The following TET2 variants were observed in gnomAD, a reference collection of about 807,000 sequenced individuals.
TET2 encodes tet methylcytosine dioxygenase 2.
TET2 carries 299 observed loss-of-function variants against 142.9 expected under a neutral mutation model. The observed-to-expected ratio is 2.09, with a 90% CI of 1.90 to 2.30. TET2 has a LOEUF of 2.30. Among genes scored for constraint, TET2 ranks in the 30% most tolerant of loss-of-function variants. TET2 has a pLI of 0.00. For synonymous variants in TET2, 819 were observed against 849.0 expected (o/e 0.96, Z 0.61); for missense variants, 2,418 against 2,378.0 (o/e 1.02, Z -0.35).
At position 105,239,004 on chromosome 4, in the gene TET2, A is replaced by G. The variant is rs60382101; in HGVS notation, c.3409+1653A>G. ...AACAGCATTAATCTTGTGCATCTCC[A>G]TCGGAGCTCTTGGGTGACTAGGTGC... On this transcript the variant is annotated intron_variant, in intron 3 of 10. Transcript: ENST00000380013. 2,267 of 241,086 alleles carry G rather than the reference A, an allele frequency of 9.4e-3. 50 individuals are homozygous for G. The highest frequency in any genetic ancestry group is 0.045 in the African/African-American group (2,022 of 45,032). 14.9% of individuals were successfully genotyped at this position (241,086 alleles called of 1,614,324 possible).
Position 105,275,122 on chromosome 4 carries a change from C to T in TET2, c.4612C>T (p.Pro1538Ser), listed in dbSNP as rs1310642509. 1.3e-6 allele frequency: 2 copies of T among 1,551,474 alleles called. No homozygotes were observed. The highest frequency in any genetic ancestry group is 2.4e-5 in the East Asian group (1 of 40,910). The change falls in exon 11 of 11, where the codon CCC becomes TCC. Residue 1538 changes from proline (P) to serine (S), a missense_variant. By Grantham distance (74) the Pro-to-Ser change is moderately conservative. Transcript: ENST00000380013. ...GCCTCTACAGAAGCAGCCACCACAGCCCCAGCAGCAGCAGAGACCCCAGCA... is the reference window on the plus strand; with the variant it reads ...GCCTCTACAGAAGCAGCCACCACAGTCCCAGCAGCAGCAGAGACCCCAGCA... ...PQPLQKQPPQ[P>S]QQQQRPQQQQ... is the part of the protein sequence containing the mutation.
chr4:105,168,936 A>G (rs1724306370), intron 1 of TET2, among the ~76,000 whole-genome samples: 1 of 152,212 alleles, frequency 6.6e-6, no homozygotes, highest in South Asian at 2.1e-4. Flanking sequence ...TTTATGGCTG[A>G]GTAGTATTCC....
intron 1 of TET2, among the ~76,000 whole-genome samples, chr4:105,182,889 C>T (rs1725203318): frequency 6.6e-6 from 1 of 152,018 alleles, no homozygotes; most frequent in South Asian, 2.1e-4. Context: ...TCATATAGGT[C>T]ATATGACTTA....
intron 2 of TET2, among the ~76,000 whole-genome samples, chr4:105,217,871 T>C (rs1299513579): frequency 2.0e-5 from 3 of 151,984 alleles, no homozygotes; most frequent in East Asian, 1.9e-4. Context: ...ACTGCACTTA[T>C]AAAGAGACAT....
chr4:105,185,197 G>A lies in TET2; in HGVS notation c.-192-5163G>A, dbSNP rs148021994. On this transcript the variant is annotated intron_variant, in intron 1 of 10. Transcript: ENST00000380013. ...TTTTTTTTTTCCTTCATTTTTGAAC[G>A]AAAACTTGTCTGTCTCTAGGCTTTG... Among the ~76,000 whole-genome samples the A allele has an allele frequency of 4.5e-3, 687 of 151,558 alleles. 1 individual carries two copies. The highest frequency in any genetic ancestry group is 0.022 in the East Asian group (114 of 5,164).
At chr4:105,167,763 G>A (rs1467927996) in intron 1 of TET2, among the ~76,000 whole-genome samples, 1 of 152,096 alleles carries the variant, frequency 6.6e-6, no homozygotes, top group Non-Finnish European at 1.5e-5. Context: ...AGATTCTTTG[G>A]TTGTCTTCAT....
chr4:105,190,357 T>G lies in TET2; in HGVS notation c.-192-3T>G. ...AAAAATGTTCAAACTCTGTCTTCTC[T>G]AGGCTGGCAAACATTCAGCAGCACA... On this transcript the variant is annotated splice_region_variant and splice_polypyrimidine_tract_variant and intron_variant, in intron 1 of 10. Transcript: ENST00000380013. 1.5e-6 allele frequency: 1 copy of G among 667,264 alleles called. No homozygotes were observed. The highest frequency in any genetic ancestry group is 2.7e-5 in the East Asian group (1 of 37,040). The allele number at this position is 667,264 out of a possible 1,614,324, so 41.3% of individuals were successfully genotyped here.
At chr4:105,222,177 G>C (rs181888142) in intron 2 of TET2, among the ~76,000 whole-genome samples, 1 of 152,194 alleles carries the variant, frequency 6.6e-6, no homozygotes, top group African/African-American at 2.4e-5. Flanking sequence ...ATAAACATAC[G>C]TGTGCATGTG....
chr4:105,169,555 T>C (rs1724340180), intron 1 of TET2, among the ~76,000 whole-genome samples: 1 of 152,238 alleles, frequency 6.6e-6, no homozygotes, highest in South Asian at 2.1e-4. Context: ...TGACTGTTCC[T>C]ATTGCTGTGC....
intron 1 of TET2, among the ~76,000 whole-genome samples, chr4:105,159,107 C>G (rs1723707247): frequency 6.6e-6 from 1 of 152,046 alleles, no homozygotes; most frequent in Admixed American, 6.6e-5. Context: ...AATTCATTGT[C>G]CGGGAGCCCT....
intron 3 of TET2, chr4:105,237,668 T>G: frequency 1.9e-5 from 25 of 1,350,878 alleles, no homozygotes; most frequent in Non-Finnish European, 2.4e-5. Flanking sequence ...GTATATTATC[T>G]CCTGGAGAGA....
rs375932491 is a variant in TET2 at position 105,234,521 on chromosome 4, T to C, written c.579T>C (p.His193=). The part of the protein sequence containing the change: ...NEQEGKSANY[H]DKNIVLLKNK... ...AGGAGGGGAAAAGTGCTAATTACCA[T>C]GACAAGAACATTGTATTACTTAAAA... The change falls in exon 3 of 11, where the codon CAT becomes CAC. Residue 193 remains histidine (H), a synonymous_variant. Coordinates refer to ENST00000380013, the MANE Select transcript of TET2 (RefSeq NM_001127208.3). The C allele has an allele frequency of 3.1e-6, 5 of 1,614,034 alleles. No homozygotes were observed. In the African/African-American group the frequency reaches 6.7e-5, roughly 22 times the overall value.
At chr4:105,269,494 A>G (rs866057946) in intron 8 of TET2, 116 bp from the exon 9 acceptor site, 16 of 1,076,916 alleles carry the variant, frequency 1.5e-5, no homozygotes, top group Middle Eastern at 4.2e-4. Context: ...GTTTCTGGAT[A>G]TATATTTAAG....
chr4:105,166,620 G>GA (rs138353852), intron 1 of TET2, among the ~76,000 whole-genome samples: 36 of 147,020 alleles, frequency 2.4e-4, no homozygotes, highest in African/African-American at 7.2e-4. Context: ...GAAAAAAAAA[G>GA]AAAAAAAAAC....
chr4:105,193,935 A>T (rs1477838917), intron 2 of TET2, among the ~76,000 whole-genome samples: 2 of 152,184 alleles, frequency 1.3e-5, no homozygotes, highest in Non-Finnish European at 2.9e-5. Flanking sequence ...TTTTATAATA[A>T]GTTGGAGAGA....
chr4:105,239,323 C>T (rs1729162842), intron 3 of TET2: 1 of 239,844 alleles, frequency 4.2e-6, no homozygotes, highest in Admixed American at 5.7e-5. Flanking sequence ...TGAAGCAAGG[C>T]ATTGACTTCT....
chr4:105,234,812 A>G lies in TET2; in HGVS notation c.870A>G (p.Ala290=), dbSNP rs751895342. The G allele has an allele frequency of 6.2e-7, 1 of 1,613,972 alleles. No individual in the cohort carries two copies. Among genetic ancestry groups the G allele is most frequent in the Non-Finnish European group, 8.5e-7 (1 of 1,179,968 alleles). The change falls in exon 3 of 11, where the codon GCA becomes GCG. Residue 290 remains alanine, a synonymous_variant. Transcript: ENST00000380013. ...CTGAGCTGCCTCCAAAGCCAGCTGC[A>G]GTGGTGAGTGAGGCCTGTGATGCTG... The part of the protein sequence containing the change: ...SNSELPPKPA[A]VVSEACDADD...
At position 105,235,726 on chromosome 4, in the gene TET2, A is replaced by G. The variant is rs1051802873; in HGVS notation, c.1784A>G (p.Asn595Ser). ...SLPSILQYQPNLSNQMTSKQY... is the reference protein window; with the variant it reads ...SLPSILQYQPSLSNQMTSKQY... The stretch of plus-strand genomic sequence containing the variant: ...CCATCAATTCTTCAGTATCAACCCA[A>G]TCTCTCCAATCAAATGACCTCCAAA... The change falls in exon 3 of 11, where the codon AAT (asparagine) becomes AGT (serine). Residue 595 changes from asparagine to serine, a missense_variant. Transcript: ENST00000380013. 4 of 1,614,012 alleles carry G rather than the reference A, an allele frequency of 2.5e-6. No homozygotes were observed. The highest frequency in any genetic ancestry group is 3.4e-6 in the Non-Finnish European group (4 of 1,180,020).
chr4:105,174,388 A>G (rs1724656402), intron 1 of TET2, among the ~76,000 whole-genome samples: 2 of 152,234 alleles, frequency 1.3e-5, no homozygotes, highest in African/African-American at 2.4e-5. Context: ...AGTAAAAAAC[A>G]AAACAAAACA....
Sources: allele counts gnomAD v4.1 joint callset (sites outside exome capture counted in the v4.1 genomes callset), GRCh38; gene constraint gnomAD v4.1.1; transcripts MANE v1.5; gene names NCBI Gene and HGNC (gene_info 2026-07-23, HGNC 2026-07-21).